ATP11A: variants seen among roughly 807,000 people sequenced by gnomAD.
ATP11A encodes the protein phospholipid-transporting ATPase IH.
Under a neutral mutation model 154.4 loss-of-function variants are expected in ATP11A, and 81 were observed. That is an observed-to-expected ratio of 0.52 (90% CI 0.44 to 0.63). The LOEUF is 0.63. ATP11A is among the 30% of genes least tolerant of loss of function. The pLI is 0.00. For synonymous variants in ATP11A, 623 were observed against 585.9 expected, an observed-to-expected ratio of 1.06 and a Z score of -0.91; for missense variants, 1,316 against 1,474.3, an observed-to-expected ratio of 0.89 and a Z score of 1.76.
At chr13:112,751,739 CCT>C (rs1491085991) in intron 1 of ATP11A, among the ~76,000 whole-genome samples, 1 of 151,874 alleles carries the variant, frequency 6.6e-6, no homozygotes, top group Non-Finnish European at 1.5e-5. Flanking sequence ...ATCCCCCCCC[CCT>C]TTTTTTGAGA....
chr13:112,739,338 T>C (rs1021076494), intron 1 of ATP11A, among the ~76,000 whole-genome samples: 2 of 152,216 alleles, frequency 1.3e-5, no homozygotes, highest in African/African-American at 4.8e-5. Context: ...CAAGGAGGAA[T>C]ACAAAGGGCC....
rs116061828 is a variant in ATP11A at position 112,875,861 on chromosome 13, G to A, written c.3247G>A (p.Val1083Met). Residue 1083 changes from valine (V) to methionine (M), a missense_variant, in exon 28 of 30, where the codon GTG becomes ATG. Around this residue, in one of 5 missense-constraint regions of ATP11A, gnomAD observed 294 missense variants for 290.2 expected, o/e 1.01. Transcript: ENST00000375645. The surrounding 1 kb of genome is among the most constrained non-coding windows in gnomAD (Gnocchi z 4.1). ...CGCCTGGCTGGCCATCGTGCTGCTG[G>A]TGACCATCAGCCTCCTTCCCGACGT... Reference protein sequence around the residue: ...GPAWLAIVLLVTISLLPDVLK... With the variant: ...GPAWLAIVLLMTISLLPDVLK... 2.5e-6 allele frequency: 4 copies of A among 1,613,832 alleles called. No homozygotes were observed. The South Asian group carries it at 4.4e-5, about 18-fold the overall frequency.
intron 1 of ATP11A, among the ~76,000 whole-genome samples, chr13:112,741,031 C>T (rs1368269067): frequency 6.6e-6 from 1 of 152,240 alleles, no homozygotes; most frequent in African/African-American, 2.4e-5. Context: ...GTCTGAATCA[C>T]TTACATGGGC....
chr13:112,729,735 G>A (rs949563190), intron 1 of ATP11A, among the ~76,000 whole-genome samples: 6 of 152,364 alleles, frequency 3.9e-5, no homozygotes, highest in South Asian at 2.1e-4. Context: ...GTCAGGCCAC[G>A]GTGAGGCCAG....
chr13:112,832,207 G>A (rs1441269589), intron 13 of ATP11A, among the ~76,000 whole-genome samples: 1 of 152,234 alleles, frequency 6.6e-6, no homozygotes, highest in Non-Finnish European at 1.5e-5. Context: ...TCTGGGCAGG[G>A]CTGAAGTCCC....
At chr13:112,752,976 A>G (rs2076731307) in intron 1 of ATP11A, among the ~76,000 whole-genome samples, 1 of 152,234 alleles carries the variant, frequency 6.6e-6, no homozygotes, top group African/African-American at 2.4e-5. Flanking sequence ...CATGGTCTAC[A>G]CATCCTGCCC....
rs77849270 is a variant in ATP11A, at chr13:112,698,097, C to G, written c.39+7642C>G. ...GCTGCACGGGCGCACTCAGCAGCCT[C>G]GATACAATTTGAACTTCTTGCTGAC... On this transcript the variant is annotated intron_variant, in intron 1 of 29. Transcript: ENST00000375645. Among the ~76,000 whole-genome samples the G allele has an allele frequency of 6.4e-4, 98 of 152,246 alleles. No homozygotes were observed. In the East Asian group the frequency reaches 0.019, roughly 29 times the overall value.
At chr13:112,797,669 C>G (rs1480115439) in intron 2 of ATP11A, among the ~76,000 whole-genome samples, 1 of 152,162 alleles carries the variant, frequency 6.6e-6, no homozygotes, top group Admixed American at 6.5e-5. Context: ...AATTCTGTAT[C>G]TCATAAAATT....
intron 1 of ATP11A, among the ~76,000 whole-genome samples, chr13:112,761,172 C>T (rs533506937): frequency 5.3e-5 from 8 of 152,210 alleles, no homozygotes; most frequent in East Asian, 1.9e-4. Context: ...TCGCAGTGCT[C>T]GTGTTCAAGG....
chr13:112,855,334 T>A (rs2079890596), intron 19 of ATP11A, among the ~76,000 whole-genome samples: 1 of 152,174 alleles, frequency 6.6e-6, no homozygotes, highest in African/African-American at 2.4e-5. Flanking sequence ...CCCAAGTAGC[T>A]GGGATTAAAA....
Position 112,864,933 on chromosome 13 carries a change from AGT to A in ATP11A, c.2991+2360_2991+2361del, listed in dbSNP as rs1458650217. ...TCCATCACCACCTGCGCAGTAATTC[AGT>A]GCGGCCCATGCAGCTTCTCAGCAGG... On this transcript the variant is annotated intron_variant, in intron 25 of 29. Coordinates refer to ENST00000375645, the MANE Select transcript of ATP11A (RefSeq NM_015205.3). Among the ~76,000 whole-genome samples the A allele has an allele frequency of 3.6e-3, 213 of 59,204 alleles. 14 individuals are homozygous for A. Among genetic ancestry groups the A allele is most frequent in the Middle Eastern group, 0.024 (2 of 84 alleles). 38.8% of individuals were successfully genotyped at this position (59,204 alleles called of 152,430 possible).
At chr13:112,826,560 T>C in intron 11 of ATP11A, 134 bp from the exon 12 acceptor site, 1 of 756,342 alleles carries the variant, frequency 1.3e-6, no homozygotes, top group Non-Finnish European at 2.2e-6. Context: ...GTCCTTGTCT[T>C]TGGACTCTGA....
intron 8 of ATP11A, 48 bp downstream of exon 8, chr13:112,819,998 G>A (rs756913228): frequency 5.1e-5 from 77 of 1,504,068 alleles, no homozygotes; most frequent in African/African-American, 5.7e-5. Flanking sequence ...CCCTTGTTGC[G>A]TTAGAAATGC....
At chr13:112,728,875 TAC>T (rs1268834886) in intron 1 of ATP11A, among the ~76,000 whole-genome samples, 1 of 152,138 alleles carries the variant, frequency 6.6e-6, no homozygotes, top group African/African-American at 2.4e-5. Context: ...AAGAGAAGAA[TAC>T]ACAGTGGCTG....
intron 12 of ATP11A, among the ~76,000 whole-genome samples, 179 bp downstream of exon 12, chr13:112,827,070 A>G (rs1282660050): frequency 2.0e-5 from 3 of 152,148 alleles, no homozygotes; most frequent in Non-Finnish European, 4.4e-5. Context: ...TACATTTACA[A>G]CAGATGCAGA....
chr13:112,778,635 CCGCTGGAGTGAGGAGT>C (rs1417223719), intron 1 of ATP11A, among the ~76,000 whole-genome samples: 1 of 150,510 alleles, frequency 6.6e-6, no homozygotes, highest in African/African-American at 2.5e-5. Flanking sequence ...GAGTGAGTAG[CCGCTGGAGTGAGGAGT>C]AGCCGCTGGA....
intron 1 of ATP11A, among the ~76,000 whole-genome samples, chr13:112,755,212 A>ACAGGCTG (rs1319727729): frequency 3.9e-5 from 6 of 152,094 alleles, no homozygotes; most frequent in Admixed American, 3.3e-4. Flanking sequence ...GACCACACAG[A>ACAGGCTG]CAGGCTGCAG....
At chr13:112,861,904 G>A (rs1244164753) in intron 24 of ATP11A, among the ~76,000 whole-genome samples, 1 of 151,980 alleles carries the variant, frequency 6.6e-6, no homozygotes, top group Non-Finnish European at 1.5e-5. Flanking sequence ...ATAAATCTAA[G>A]AAAATGGGAG....
intron 28 of ATP11A, among the ~76,000 whole-genome samples, chr13:112,876,618 C>G (rs1245974447): frequency 1.3e-5 from 2 of 152,220 alleles, no homozygotes; most frequent in Non-Finnish European, 2.9e-5. Context: ...ATTAACAATG[C>G]AAGTTTTCAA....
Sources: gnomAD v4.1 joint callset for allele counts (sites outside exome capture counted in the v4.1 genomes callset) on GRCh38, gnomAD v4.1.1 for gene constraint, gnomAD v4.1.1 regional missense constraint, Gnocchi (gnomAD v3.1) non-coding constraint, MANE v1.5 for transcripts, NCBI Gene and HGNC (gene_info 2026-07-23, HGNC 2026-07-21) for gene names.